The following TKT variants were observed in gnomAD, a reference collection of about 807,000 sequenced individuals.
TKT encodes the protein transketolase.
In TKT, 47 loss-of-function variants were observed where a neutral mutation model predicts 63.9. The ratio of observed to expected loss-of-function variants is 0.74; its 90% CI spans 0.58 to 0.94. The LOEUF (loss-of-function observed/expected upper bound fraction) is 0.94, where lower values mean the gene tolerates loss of function less well. Among genes scored for constraint, TKT ranks in the 40% least tolerant of loss-of-function variants. The pLI, the probability that TKT is intolerant of heterozygous loss-of-function variation, is 0.00. For missense variants in TKT, 721 were observed against 846.2 expected, an observed-to-expected ratio of 0.85 and a Z score of 1.84; for synonymous variants, 338 against 334.1, an observed-to-expected ratio of 1.01 and a Z score of -0.13.
rs12630643 is a variant in TKT at position 53,251,191 on chromosome 3, C to A, written c.107+4645G>T. ...CCTCCCCAAAGCTGTGGGTCAGAAACCCTGGGGGGACTTGTTGAAAGCACA... is the reference window on the plus strand; with the variant it reads ...CCTCCCCAAAGCTGTGGGTCAGAAAACCTGGGGGGACTTGTTGAAAGCACA... On this transcript the variant is annotated intron_variant, in intron 1 of 13. Transcript: ENST00000462138. Among the ~76,000 whole-genome samples, 157 of 152,332 alleles carry A rather than the reference C, an allele frequency of 1.0e-3. No homozygotes were observed. The East Asian group carries it at 0.029, about 28-fold the overall frequency.
chr3:53,226,621 C>T, intron 13 of TKT, 135 bp downstream of exon 13: 5 of 1,323,138 alleles, frequency 3.8e-6, no homozygotes, highest in Non-Finnish European at 4.2e-6. Context: ...GACCACGTCC[C>T]AGCTGCTCTG....
intron 1 of TKT, among the ~76,000 whole-genome samples, chr3:53,250,530 G>A (rs1419044926): frequency 6.6e-6 from 1 of 152,142 alleles, no homozygotes; most frequent in Non-Finnish European, 1.5e-5. Context: ...AGTACTCTAG[G>A]GAAGCTGAGG....
chr3:53,229,171 G>A, intron 9 of TKT, 34 bp from the exon 10 acceptor site: 1 of 1,613,866 alleles, frequency 6.2e-7, no homozygotes, highest in Non-Finnish European at 8.5e-7. Flanking sequence ...GCAGAAATAA[G>A]ACCCCTACCC....
chr3:53,226,700 C>T (rs2279322), intron 13 of TKT, 56 bp downstream of exon 13: 686,226 of 1,610,840 alleles, frequency 0.43, 149,377 homozygotes, highest in East Asian at 0.56. Flanking sequence ...GCACGTCCAA[C>T]GCTCGGCTCT....
rs1294411563 is a variant in TKT at position 53,227,050 on chromosome 3, A to G, written c.1574-172T>C. On this transcript the variant is annotated intron_variant, in intron 12 of 13. Coordinates refer to ENST00000462138, the MANE Select transcript of TKT (RefSeq NM_001064.4). ...CCACCTCGTTCCCATGGCTGAGCTC[A>G]TGCTTGCCAACCCCTTGCACTGGGG... The G allele has an allele frequency of 1.2e-5, 9 of 760,272 alleles. No homozygotes were observed. The East Asian group carries it at 2.3e-4, about 19-fold the overall frequency. The allele number at this position is 760,272 out of a possible 1,614,324, so 47.1% of individuals were successfully genotyped here. A position where few individuals can be genotyped will look rare whatever the true frequency, so the allele number is the denominator to read the frequency against.
At chr3:53,230,852 G>A (rs1559647718) in intron 7 of TKT, among the ~76,000 whole-genome samples, 1 of 152,154 alleles carries the variant, frequency 6.6e-6, no homozygotes, top group East Asian at 1.9e-4. Context: ...ATAAGCTACA[G>A]AAGACACCCA....
chr3:53,225,788 G>A lies in TKT; in HGVS notation c.1840C>T (p.Gln614Ter). The change falls in exon 14 of 14, where the codon CAA (glutamine) becomes TAA (stop). Residue 614 changes from glutamine to a stop codon, truncating the protein, a stop_gained. Transcript: ENST00000462138. LOFTEE classifies it high-confidence loss of function. ...MFGIDRDAIA[Q>*]AVRGLITKA ...TTGGTGATGAGGCCCCTCACAGCTT[G>A]TGCAATGGCATCCCTGTCGATACCA... The A allele has an allele frequency of 6.2e-7, 1 of 1,613,898 alleles. No homozygotes were observed. Among genetic ancestry groups the A allele is most frequent in the Non-Finnish European group, 8.5e-7 (1 of 1,179,884 alleles).
chr3:53,243,004 T>A (rs1479122033), intron 1 of TKT, among the ~76,000 whole-genome samples: 1 of 152,062 alleles, frequency 6.6e-6, no homozygotes, highest in Non-Finnish European at 1.5e-5. Context: ...GCAAGACACA[T>A]AATCTCATCT....
intron 3 of TKT, among the ~76,000 whole-genome samples, chr3:53,240,645 A>G (rs1263832150): frequency 6.6e-6 from 1 of 152,220 alleles, no homozygotes; most frequent in Non-Finnish European, 1.5e-5. Context: ...GGGAGAGAGA[A>G]TCATGAAAAA....
At chr3:53,226,544 C>T in intron 13 of TKT, 1 of 589,792 alleles carries the variant, frequency 1.7e-6, no homozygotes, top group South Asian at 2.1e-5. Context: ...GCAGCAGGAG[C>T]TCCACAGAGC....
rs782328539 is a variant in TKT, at chr3:53,241,227, G to A, written c.244C>T (p.Leu82Phe). ...VLSKGHAAPI[L>F]YAVWAEAGFL... ...CCAGCTTCAGCCCAGACCGCGTAGA[G>A]GATGGGAGCTGCATGGCCCTGCCGG... The change falls in exon 3 of 14, where the codon CTC (leucine) becomes TTC (phenylalanine). Residue 82 changes from leucine (L) to phenylalanine (F), a missense_variant. Leu to Phe is a conservative substitution (Grantham distance 22, BLOSUM62 0). Transcript: ENST00000462138. 5.0e-6 allele frequency: 8 copies of A among 1,602,202 alleles called. No homozygotes were observed. The Admixed American group carries it at 8.5e-5, about 17-fold the overall frequency.
chr3:53,231,794 G>A (rs1704774030), intron 6 of TKT: 1 of 526,996 alleles, frequency 1.9e-6, no homozygotes, highest in African/African-American at 1.9e-5. Context: ...TCACAGCTGA[G>A]TGGGAAAGGA....
In TKT at chr3:53,242,348, A is replaced by C; in HGVS notation, c.108-106T>G. 5.5e-6 allele frequency: 6 copies of C among 1,098,116 alleles called. No individual in the cohort carries two copies. The South Asian group carries it at 7.6e-5, about 14-fold the overall frequency. The allele number at this position is 1,098,116 out of a possible 1,614,324, so 68.0% of individuals were successfully genotyped here. A position where few individuals can be genotyped will look rare whatever the true frequency, so the allele number is the denominator to read the frequency against. On this transcript the variant is annotated intron_variant, in intron 1 of 13. Transcript: ENST00000462138. ...GGGGGTGCATGTCCTGAGGAGTCACACAGGCCTGGCTTATCAGACAGCCAC... is the reference window on the plus strand; with the variant it reads ...GGGGGTGCATGTCCTGAGGAGTCACCCAGGCCTGGCTTATCAGACAGCCAC...
intron 1 of TKT, among the ~76,000 whole-genome samples, chr3:53,248,917 T>C (rs898980604): frequency 5.9e-5 from 9 of 152,208 alleles, no homozygotes; most frequent in Non-Finnish European, 7.3e-5. Context: ...TACAATGTTA[T>C]GATACGCCAA....
intron 4 of TKT, among the ~76,000 whole-genome samples, chr3:53,239,313 A>AT (rs1256418340): frequency 2.0e-4 from 30 of 150,778 alleles, no homozygotes; most frequent in African/African-American, 3.2e-4. Context: ...AAAAAGAATA[A>AT]TTTTTTTTTT....
chr3:53,226,278 T>G, intron 13 of TKT: 1 of 262,476 alleles, frequency 3.8e-6, no homozygotes, highest in Non-Finnish European at 7.3e-6. Flanking sequence ...AACACCATTG[T>G]TGGTGACCAG....
At chr3:53,240,471 A>G (rs1364987860) in intron 3 of TKT, 123 bp from the exon 4 acceptor site, 19 of 774,942 alleles carry the variant, frequency 2.5e-5, no homozygotes, top group Non-Finnish European at 3.9e-5. Flanking sequence ...AGGCCCCAGG[A>G]TGGCCTCTAC....
intron 1 of TKT, among the ~76,000 whole-genome samples, chr3:53,247,633 C>CAAAAAAAA (rs3075723): frequency 1.6e-4 from 11 of 66,972 alleles, no homozygotes; most frequent in South Asian, 1.6e-3. Context: ...GACTCCACCT[C>CAAAAAAAA]AAAAAAAAAA....
intron 12 of TKT, 147 bp downstream of exon 12, chr3:53,227,909 A>T: frequency 1.4e-6 from 1 of 710,548 alleles, no homozygotes; most frequent in Non-Finnish European, 2.3e-6. Flanking sequence ...GGATGGCTAT[A>T]ATTGCTATCA....
Sources: allele counts gnomAD v4.1 joint callset (sites outside exome capture counted in the v4.1 genomes callset), GRCh38; gene constraint gnomAD v4.1.1; transcripts MANE v1.5; gene names NCBI Gene and HGNC (gene_info 2026-07-23, HGNC 2026-07-21).